WWOX: variants seen among roughly 807,000 people sequenced by gnomAD.
WWOX encodes WW domain-containing oxidoreductase.
Under a neutral mutation model 46.2 loss-of-function variants are expected in WWOX, and 69 were observed. That is an observed-to-expected ratio of 1.49 (90% CI 1.23 to 1.82). The LOEUF is 1.82. Among genes scored for constraint, WWOX ranks in the 40% most tolerant of loss-of-function variants. The pLI, the probability that WWOX is intolerant of heterozygous loss-of-function variation, is 0.00. For synonymous variants in WWOX, 359 were observed against 202.6 expected (o/e 1.77, Z -6.56); for missense variants, 919 against 542.6 (o/e 1.69, Z -6.89).
chr16:79,052,229 C>G (rs1268333974), intron 8 of WWOX, among the ~76,000 whole-genome samples: 3 of 150,988 alleles, frequency 2.0e-5, no homozygotes, highest in African/African-American at 7.3e-5. Context: ...GTGATATTCC[C>G]CTTCCTGTGT....
At chr16:78,775,598 C>A (rs968625216) in intron 8 of WWOX, among the ~76,000 whole-genome samples, 4 of 152,126 alleles carry the variant, frequency 2.6e-5, no homozygotes, top group Admixed American at 6.5e-5. Flanking sequence ...CACTCCCCCA[C>A]CTCTCCCCAC....
intron 8 of WWOX, among the ~76,000 whole-genome samples, chr16:78,866,134 T>C (rs900535971): frequency 5.9e-5 from 9 of 152,192 alleles, no homozygotes; most frequent in African/African-American, 1.9e-4. Context: ...TTCCATAACA[T>C]AGATTTCCCA....
At position 78,338,538 on chromosome 16, in the gene WWOX, C is replaced by A. The variant is rs925115395; in HGVS notation, c.517-48322C>A. Among the ~76,000 whole-genome samples the A allele has an allele frequency of 3.3e-5, 4 of 121,132 alleles. 1 individual carries two copies. Among genetic ancestry groups the A allele is most frequent in the East Asian group, 1.9e-4 (1 of 5,190 alleles). The allele number at this position is 121,132 out of a possible 152,430, so 79.5% of individuals were successfully genotyped here. Reference sequence around the variant, plus strand: ...ACAGAGAGAAATTCTGTAGTTTCCACAAGTAACCAGAGAATTGTTCAAGGC... The same window carrying A: ...ACAGAGAGAAATTCTGTAGTTTCCAAAAGTAACCAGAGAATTGTTCAAGGC... On this transcript the variant is annotated intron_variant, in intron 5 of 8. Transcript: ENST00000566780.
chr16:78,601,594 C>T (rs2045624731), intron 8 of WWOX, among the ~76,000 whole-genome samples: 2 of 152,254 alleles, frequency 1.3e-5, no homozygotes, highest in South Asian at 4.2e-4. Context: ...AATAGCTTTA[C>T]CCGTGGTGTA....
At chr16:78,812,323 G>A (rs925022720) in intron 8 of WWOX, among the ~76,000 whole-genome samples, 4 of 152,150 alleles carry the variant, frequency 2.6e-5, no homozygotes, top group South Asian at 2.1e-4. Context: ...GTGCCATTGG[G>A]TTTTGAGACC....
At chr16:78,378,921 C>T (rs139734093) in intron 5 of WWOX, among the ~76,000 whole-genome samples, 10 of 152,238 alleles carry the variant, frequency 6.6e-5, no homozygotes, top group Middle Eastern at 3.4e-3. Context: ...CAGAGCTTCC[C>T]GGTGTTACGT....
At chr16:78,729,747 T>C (rs913085566) in intron 8 of WWOX, among the ~76,000 whole-genome samples, 2 of 152,170 alleles carry the variant, frequency 1.3e-5, no homozygotes, top group East Asian at 3.9e-4. Flanking sequence ...AGCAAACTAA[T>C]GCAAATGGGC....
chr16:78,550,836 G>A (rs550696863), intron 8 of WWOX: 1 of 152,192 alleles, frequency 6.6e-6, no homozygotes, highest in African/African-American at 2.4e-5. Flanking sequence ...AAAGGCTGAG[G>A]GCGGACCTAA....
intron 8 of WWOX, among the ~76,000 whole-genome samples, chr16:78,949,460 C>T (rs936491402): frequency 1.3e-5 from 2 of 152,140 alleles, no homozygotes; most frequent in African/African-American, 2.4e-5. Context: ...TGTCCCCTCC[C>T]GTGACACTCA....
chr16:78,764,611 C>T (rs967214790), intron 8 of WWOX, among the ~76,000 whole-genome samples: 3 of 144,554 alleles, frequency 2.1e-5, no homozygotes, highest in Admixed American at 7.4e-5. Context: ...GTTTGGAAGC[C>T]ATGCTGCTAT....
At chr16:78,866,544 C>T (rs369577803) in intron 8 of WWOX, among the ~76,000 whole-genome samples, 1 of 152,024 alleles carries the variant, frequency 6.6e-6, no homozygotes, top group Non-Finnish European at 1.5e-5. Flanking sequence ...TCGATAAAAG[C>T]TAATGTACCA....
intron 4 of WWOX, among the ~76,000 whole-genome samples, chr16:78,116,898 T>C (rs899468820): frequency 2.6e-5 from 4 of 152,216 alleles, no homozygotes; most frequent in Admixed American, 1.3e-4. Flanking sequence ...TTCGAACTGC[T>C]CCATGTGACA....
At chr16:78,795,507 G>A (rs1282870379) in intron 8 of WWOX, among the ~76,000 whole-genome samples, 1 of 152,036 alleles carries the variant, frequency 6.6e-6, no homozygotes, top group African/African-American at 2.4e-5. Context: ...CATCAAACCT[G>A]GCTTCTTAGT....
chr16:79,142,889 A>G (rs1567578880), intron 8 of WWOX, among the ~76,000 whole-genome samples: 2 of 152,056 alleles, frequency 1.3e-5, no homozygotes, highest in African/African-American at 4.8e-5. Flanking sequence ...TTTTTTACAG[A>G]GACAAGTTCT....
chr16:78,836,833 C>T lies in WWOX; in HGVS notation c.1057-374775C>T, dbSNP rs185393398. ...GTGGTTTGGATTCCTAATCACGGGACTGAGATGAAACAGAATCTCTTAGCA... is the reference window on the plus strand; with the variant it reads ...GTGGTTTGGATTCCTAATCACGGGATTGAGATGAAACAGAATCTCTTAGCA... On this transcript the variant is annotated intron_variant, in intron 8 of 8. Coordinates refer to ENST00000566780, the MANE Select transcript of WWOX (RefSeq NM_016373.4). Among the ~76,000 whole-genome samples, 31 of 152,200 alleles carry T rather than the reference C, an allele frequency of 2.0e-4. No individual in the cohort carries two copies. The East Asian group carries it at 5.8e-3, about 28-fold the overall frequency.
chr16:78,877,427 C>T (rs561898586), intron 8 of WWOX, among the ~76,000 whole-genome samples: 4 of 152,222 alleles, frequency 2.6e-5, no homozygotes, highest in East Asian at 1.9e-4. Context: ...AGTATTCTTC[C>T]ACGTAGCACC....
rs371169789 is a variant in WWOX at position 78,336,396 on chromosome 16, T to C, written c.517-50464T>C. On this transcript the variant is annotated intron_variant, in intron 5 of 8. Transcript: ENST00000566780. ...GTGATGTGGCCTATAGTCCCAGCTA[T>C]TTGGGAGGCTGAGGCAGGAGAATCT... Among the ~76,000 whole-genome samples, 574 of 149,420 alleles carry C rather than the reference T, an allele frequency of 3.8e-3. 3 individuals are homozygous for C. Among genetic ancestry groups the C allele is most frequent in the South Asian group, 0.013 (62 of 4,714 alleles).
At chr16:78,465,600 T>A (rs142217353) in intron 8 of WWOX, among the ~76,000 whole-genome samples, 1 of 152,256 alleles carries the variant, frequency 6.6e-6, no homozygotes, top group Non-Finnish European at 1.5e-5. Flanking sequence ...AATCTCTGAA[T>A]TTAACATGCT....
intron 8 of WWOX, among the ~76,000 whole-genome samples, chr16:78,784,812 G>A (rs544195227): frequency 2.3e-4 from 35 of 152,178 alleles, no homozygotes; most frequent in African/African-American, 7.5e-4. Flanking sequence ...CACATGTGTC[G>A]GTCCCAAGGA....
Sources: allele counts gnomAD v4.1 joint callset (sites outside exome capture counted in the v4.1 genomes callset), GRCh38; gene constraint gnomAD v4.1.1; transcripts MANE v1.5; gene names NCBI Gene and HGNC (gene_info 2026-07-23, HGNC 2026-07-21).